The following LIMCH1 variants were observed in gnomAD, a reference collection of about 807,000 sequenced individuals.
LIMCH1 encodes the protein LIM and calponin homology domains-containing protein 1.
A neutral mutation model predicts 176.5 loss-of-function variants in LIMCH1; 113 were observed. That is an observed-to-expected ratio of 0.64 (90% confidence interval 0.55 to 0.75). The LOEUF (loss-of-function observed/expected upper bound fraction) is 0.75, where lower values mean the gene tolerates loss of function less well. Among genes scored for constraint, LIMCH1 ranks in the 30% least tolerant of loss-of-function variants. LIMCH1 has a pLI of 0.00. For missense variants in LIMCH1, 1,674 were observed against 1,814.9 expected (o/e 0.92, Z 1.41); for synonymous variants, 619 against 645.9 (o/e 0.96, Z 0.63).
intron 1 of LIMCH1, among the ~76,000 whole-genome samples, chr4:41,540,702 G>A (rs902552700): frequency 1.3e-5 from 2 of 152,088 alleles, no homozygotes; most frequent in Non-Finnish European, 2.9e-5. Context: ...TCGCACCACT[G>A]CACTCTAGCC....
intron 1 of LIMCH1, chr4:41,418,715 T>C (rs11737214): frequency 0.25 from 37,655 of 152,048 alleles, 5,162 homozygotes; most frequent in South Asian, 0.4. Flanking sequence ...AGTGTGTGGT[T>C]AGGCAGCCAA....
intron 3 of LIMCH1, among the ~76,000 whole-genome samples, chr4:41,529,488 A>C (rs865804580): frequency 3.9e-5 from 6 of 152,188 alleles, no homozygotes; most frequent in South Asian, 2.1e-4. Flanking sequence ...AGGAAAAGAC[A>C]ATTTTACGTC....
chr4:41,555,042 T>C (rs1348999774), intron 1 of LIMCH1, among the ~76,000 whole-genome samples: 2 of 152,218 alleles, frequency 1.3e-5, no homozygotes, highest in Non-Finnish European at 2.9e-5. Context: ...CTGTAGTTGA[T>C]TAAAATTCCA....
intron 1 of LIMCH1, among the ~76,000 whole-genome samples, chr4:41,473,461 C>A (rs2067277835): frequency 6.6e-6 from 1 of 152,190 alleles, no homozygotes; most frequent in African/African-American, 2.4e-5. Context: ...AAAATAGCAA[C>A]TGGTCTGTTT....
intron 1 of LIMCH1, among the ~76,000 whole-genome samples, chr4:41,425,436 T>A (rs1470151855): frequency 6.6e-6 from 1 of 152,110 alleles, no homozygotes; most frequent in Non-Finnish European, 1.5e-5. Context: ...AACCCCCGCC[T>A]CCCGGGTTCA....
At chr4:41,687,135 C>T (rs1371799849) in intron 28 of LIMCH1, among the ~76,000 whole-genome samples, 1 of 152,144 alleles carries the variant, frequency 6.6e-6, no homozygotes, top group Non-Finnish European at 1.5e-5. Context: ...TTTTCTTTCC[C>T]TTGTTCTTTT....
At chr4:41,580,639 T>C (rs1301640998) in intron 1 of LIMCH1, among the ~76,000 whole-genome samples, 1 of 151,448 alleles carries the variant, frequency 6.6e-6, no homozygotes, top group Non-Finnish European at 1.5e-5. Flanking sequence ...AGAAACAAAA[T>C]AAACCTAAAA....
At chr4:41,682,643 T>C (rs1269034644) in intron 26 of LIMCH1, among the ~76,000 whole-genome samples, 183 bp downstream of exon 26, 1 of 152,154 alleles carries the variant, frequency 6.6e-6, no homozygotes, top group African/African-American at 2.4e-5. Flanking sequence ...CCTTATCTTT[T>C]GAATATAAAT....
rs1715120739 is a variant in LIMCH1, at chr4:41,680,856, T to C, written c.3613-99T>C. On this transcript the variant is annotated intron_variant, in intron 24 of 31. Coordinates refer to ENST00000503057, the MANE Select transcript of LIMCH1 (RefSeq NM_001330672.2). ...TTAAAATGCCCTGCTTGTTCGAACATATTCTGATTTTTTTCTAAAGTGCCT... is the reference window on the plus strand; with the variant it reads ...TTAAAATGCCCTGCTTGTTCGAACACATTCTGATTTTTTTCTAAAGTGCCT... The C allele has an allele frequency of 6.3e-6, 4 of 633,768 alleles. No individual in the cohort carries two copies. The Admixed American group carries it at 1.0e-4, about 16-fold the overall frequency. 39.3% of individuals were successfully genotyped at this position (633,768 alleles called of 1,614,324 possible).
rs567939947 is a variant in LIMCH1, at chr4:41,646,568, T to C, written c.2495T>C (p.Ile832Thr). 3 of 1,614,012 alleles carry C rather than the reference T, an allele frequency of 1.9e-6. No individual in the cohort carries two copies. Among genetic ancestry groups the C allele is most frequent in the South Asian group, 2.2e-5 (2 of 91,082 alleles). The change falls in exon 17 of 32, where the codon ATT becomes ACT. Residue 832 changes from isoleucine to threonine, a missense_variant. Physicochemically the swap from Ile to Thr is moderately conservative, Grantham distance 89. Transcript: ENST00000503057. ...EEAEGILQQYIERFTISEAVL... is the reference protein window; with the variant it reads ...EEAEGILQQYTERFTISEAVL... ...GCAGAGGGGATCCTTCAACAGTACA[T>C]TGAGAGGTTCACCATCAGTGAGGCT... is the stretch of plus-strand genomic sequence containing the variant.
At chr4:41,388,377 G>C (rs1202041483) in intron 1 of LIMCH1, among the ~76,000 whole-genome samples, 1 of 152,212 alleles carries the variant, frequency 6.6e-6, no homozygotes, top group African/African-American at 2.4e-5. Context: ...AAAGAAACCA[G>C]ATGCGAAAGA....
At chr4:41,406,317 A>G (rs578079605) in intron 1 of LIMCH1, among the ~76,000 whole-genome samples, 1 of 152,336 alleles carries the variant, frequency 6.6e-6, no homozygotes, top group African/African-American at 2.4e-5. Flanking sequence ...GTTTTATGGT[A>G]GCTCTTTTAG....
intron 1 of LIMCH1, among the ~76,000 whole-genome samples, chr4:41,460,458 C>CTTTATATTTTTA (rs372751468): frequency 9.0e-6 from 1 of 110,546 alleles, no homozygotes; most frequent in African/African-American, 4.0e-5. Flanking sequence ...TAGTAATCAT[C>CTTTATATTTTTA]TATATATATA....
At position 41,524,002 on chromosome 4, in the gene LIMCH1, TG is replaced by T. The variant is rs565366764; in HGVS notation, c.168-405del. Among the ~76,000 whole-genome samples the T allele has an allele frequency of 1.8e-4, 28 of 152,352 alleles. No individual in the cohort carries two copies. The East Asian group carries it at 5.0e-3, about 27-fold the overall frequency. On this transcript the variant is annotated intron_variant, in intron 2 of 26. Transcript: ENST00000313860. ...GCGAATCATTTGTAAAGATAGAAAC[TG>T]GTCTTTGAATTTAGTGCATCCCTGG...
intron 1 of LIMCH1, among the ~76,000 whole-genome samples, chr4:41,576,322 AT>A: frequency 6.6e-6 from 1 of 152,336 alleles, no homozygotes; most frequent in South Asian, 2.1e-4. Flanking sequence ...TTATCTTATT[AT>A]AAAGGCAATA....
At chr4:41,659,721 T>A (rs1178698494) in intron 18 of LIMCH1, among the ~76,000 whole-genome samples, 1 of 152,186 alleles carries the variant, frequency 6.6e-6, no homozygotes, top group African/African-American at 2.4e-5. Flanking sequence ...CTTTAAAATT[T>A]AACTTTAGCT....
At chr4:41,464,321 T>G (rs1397473703) in intron 1 of LIMCH1, among the ~76,000 whole-genome samples, 1 of 151,672 alleles carries the variant, frequency 6.6e-6, no homozygotes, top group Non-Finnish European at 1.5e-5. Flanking sequence ...TCCTACTCAT[T>G]CTTCGGATTT....
chr4:41,654,133 G>A (rs1328741083), intron 18 of LIMCH1, among the ~76,000 whole-genome samples: 1 of 151,994 alleles, frequency 6.6e-6, no homozygotes, highest in South Asian at 2.1e-4. Context: ...AATACAGAGG[G>A]ACTCATGACT....
At chr4:41,552,507 A>G (rs1171785193) in intron 1 of LIMCH1, among the ~76,000 whole-genome samples, 2 of 152,174 alleles carry the variant, frequency 1.3e-5, no homozygotes, top group African/African-American at 2.4e-5. Context: ...GGCTTTCCCT[A>G]CAGGCTCTTG....
Sources: gnomAD v4.1 joint callset for allele counts (sites outside exome capture counted in the v4.1 genomes callset) on GRCh38, gnomAD v4.1.1 for gene constraint, MANE v1.5 for transcripts, NCBI Gene and HGNC (gene_info 2026-07-23, HGNC 2026-07-21) for gene names.